The following SYN2 variants were observed in gnomAD, a reference collection of about 807,000 sequenced individuals.
SYN2 encodes synapsin-2.
Under a neutral mutation model 50.9 loss-of-function variants are expected in SYN2, and 19 were observed. The ratio of observed to expected loss-of-function variants is 0.37; its 90% CI spans 0.26 to 0.55. SYN2 has a LOEUF of 0.55. Ranked by LOEUF, SYN2 falls within the 20% of genes least tolerant of loss-of-function variation. SYN2 has a pLI of 0.81. For missense variants in SYN2, 587 were observed against 576.4 expected (o/e 1.02, Z -0.19); for synonymous variants, 255 against 224.9 (o/e 1.13, Z -1.20).
At chr3:12,026,790 T>A (rs1335476258) in intron 1 of SYN2, among the ~76,000 whole-genome samples, 1 of 152,170 alleles carries the variant, frequency 6.6e-6, no homozygotes, top group Admixed American at 6.5e-5. Flanking sequence ...AAATGTTAAA[T>A]ATTGTTTGGG....
chr3:12,063,963 A>C (rs1315999528), intron 1 of SYN2, among the ~76,000 whole-genome samples: 1 of 150,888 alleles, frequency 6.6e-6, no homozygotes, highest in Non-Finnish European at 1.5e-5. Flanking sequence ...CCATCCTTTC[A>C]AAGAGTACAG....
intron 1 of SYN2, among the ~76,000 whole-genome samples, chr3:12,134,101 A>G (rs1696846158): frequency 6.6e-6 from 1 of 151,978 alleles, no homozygotes; most frequent in Non-Finnish European, 1.5e-5. Context: ...AAATGTTGTT[A>G]TGTCTGTTTT....
chr3:12,063,733 C>T (rs1294081494), intron 1 of SYN2, among the ~76,000 whole-genome samples: 1 of 151,782 alleles, frequency 6.6e-6, no homozygotes, highest in Non-Finnish European at 1.5e-5. Flanking sequence ...AAAGGGTTAC[C>T]AATGGCTAAA....
chr3:12,174,335 C>T (rs560190599), intron 10 of SYN2, among the ~76,000 whole-genome samples: 1 of 152,210 alleles, frequency 6.6e-6, no homozygotes, highest in African/African-American at 2.4e-5. Flanking sequence ...GTCCTGTCCC[C>T]CCAACATTGT....
intron 1 of SYN2, among the ~76,000 whole-genome samples, chr3:12,119,520 T>C (rs997378897): frequency 1.3e-5 from 2 of 152,170 alleles, no homozygotes; most frequent in Non-Finnish European, 1.5e-5. Flanking sequence ...AGCTCCTTTT[T>C]CCCCCCTAAC....
rs369025785 is a variant in SYN2 at position 12,096,460 on chromosome 3, A to T, written c.378-44191A>T. On this transcript the variant is annotated intron_variant, in intron 1 of 12. Transcript: ENST00000621198. ...AGGACATCCTCACTAATAGGATTCC[A>T]AGTGACATTTTCACAAAGTTAAATG... 5.3e-5 allele frequency among the ~76,000 whole-genome samples: 8 copies of T among 152,176 alleles called. No homozygotes were observed. The East Asian group carries it at 1.3e-3, about 26-fold the overall frequency.
chr3:12,085,418 A>G (rs770921230), intron 1 of SYN2, among the ~76,000 whole-genome samples: 6 of 151,994 alleles, frequency 3.9e-5, no homozygotes, highest in Non-Finnish European at 5.9e-5. Flanking sequence ...GCACCTAAAT[A>G]TATGTGGTGA....
chr3:12,072,368 G>T (rs1695374234), intron 1 of SYN2, among the ~76,000 whole-genome samples: 2 of 152,078 alleles, frequency 1.3e-5, no homozygotes, highest in African/African-American at 4.8e-5. Flanking sequence ...TCCTTTGTTG[G>T]TTGTGGTTTT....
At chr3:12,083,304 G>T (rs1163298633) in intron 1 of SYN2, among the ~76,000 whole-genome samples, 2 of 152,162 alleles carry the variant, frequency 1.3e-5, no homozygotes, top group Non-Finnish European at 2.9e-5. Context: ...GAGCCACTGC[G>T]CCCAGCCTGT....
intron 1 of SYN2, among the ~76,000 whole-genome samples, chr3:12,034,856 T>C (rs1412633038): frequency 6.6e-6 from 1 of 152,134 alleles, no homozygotes; most frequent in Non-Finnish European, 1.5e-5. Flanking sequence ...CCTTCTCACA[T>C]GCAAAATATA....
intron 1 of SYN2, among the ~76,000 whole-genome samples, chr3:12,099,352 A>G (rs1317029729): frequency 2.0e-5 from 3 of 152,216 alleles, no homozygotes; most frequent in African/African-American, 7.2e-5. Context: ...TTGAAATCAT[A>G]CAAAATATGT....
intron 1 of SYN2, among the ~76,000 whole-genome samples, chr3:12,009,716 C>G (rs374428773): frequency 2.0e-5 from 3 of 152,286 alleles, no homozygotes; most frequent in Middle Eastern, 3.4e-3. Context: ...CATGTAAGCA[C>G]GCTCTCACAC....
chr3:12,126,348 A>AGGGTTAGGGTT (rs1696671458), intron 1 of SYN2, among the ~76,000 whole-genome samples: 1 of 152,200 alleles, frequency 6.6e-6, no homozygotes, highest in Admixed American at 6.5e-5. Flanking sequence ...TCTGTATTAT[A>AGGGTTAGGGTT]CGATAACTGC....
At chr3:12,158,687 G>T in intron 5 of SYN2, 1 of 1,609,154 alleles carries the variant, frequency 6.2e-7, no homozygotes, top group South Asian at 1.1e-5. Context: ...TGGACCTCGC[G>T]GACCTCGGAC....
chr3:12,159,781 G>A (rs772973193), intron 5 of SYN2, among the ~76,000 whole-genome samples: 3 of 151,786 alleles, frequency 2.0e-5, no homozygotes, highest in Non-Finnish European at 4.4e-5. Context: ...GGTGGCTCAC[G>A]CCTGTAATCT....
chr3:12,112,258 C>T (rs144825068), intron 1 of SYN2, among the ~76,000 whole-genome samples: 2 of 152,284 alleles, frequency 1.3e-5, no homozygotes, highest in African/African-American at 2.4e-5. Flanking sequence ...CATTGTTCCA[C>T]TTCTTTGATC....
At chr3:12,076,926 G>C (rs1188986583) in intron 1 of SYN2, among the ~76,000 whole-genome samples, 1 of 152,120 alleles carries the variant, frequency 6.6e-6, no homozygotes, top group African/African-American at 2.4e-5. Context: ...ACTTTAACCT[G>C]AGAAATTGTG....
At position 12,004,469 on chromosome 3, in the gene SYN2, G is replaced by T; in HGVS notation, c.-83G>T. ...AGCCGCCGCCTCAGCCGCCTCAGTC[G>T]CCTCAATCTCGCCTTCCGCCCTCGC... On this transcript the variant is annotated 5_prime_UTR_variant, in exon 1 of 13. Coordinates refer to ENST00000621198, the MANE Select transcript of SYN2 (RefSeq NM_133625.6). 2.9e-6 allele frequency: 1 copy of T among 345,188 alleles called. No homozygotes were observed. 21.4% of individuals were successfully genotyped at this position (345,188 alleles called of 1,614,324 possible).
intron 1 of SYN2, among the ~76,000 whole-genome samples, chr3:12,102,107 T>C (rs144464522): frequency 6.6e-6 from 1 of 152,256 alleles, no homozygotes; most frequent in African/African-American, 2.4e-5. Flanking sequence ...CCTTGAAGGA[T>C]AGAGCAGAAT....
Sources: gnomAD v4.1 joint callset for allele counts (sites outside exome capture counted in the v4.1 genomes callset) on GRCh38, gnomAD v4.1.1 for gene constraint, MANE v1.5 for transcripts, NCBI Gene and HGNC (gene_info 2026-07-23, HGNC 2026-07-21) for gene names.